Variants in GRXCR1 observed in about 807,000 individuals in gnomAD.
GRXCR1 encodes glutaredoxin domain-containing cysteine-rich protein 1.
A neutral mutation model predicts 27.3 loss-of-function variants in GRXCR1; 27 were observed. The ratio of observed to expected loss-of-function variants is 0.99; its 90% confidence interval spans 0.73 to 1.37. The LOEUF (loss-of-function observed/expected upper bound fraction) is 1.37. GRXCR1 is among the 40% of genes most tolerant of loss of function. The probability of loss-of-function intolerance (pLI) is 0.00; values close to 1 mark genes in which losing one functional copy is unlikely to be tolerated. For synonymous variants in GRXCR1, 122 were observed against 131.1 expected (o/e 0.93, Z 0.47); for missense variants, 379 against 354.4 (o/e 1.07, Z -0.56).
At chr4:42,999,952 C>T (rs1326089759) in intron 2 of GRXCR1, among the ~76,000 whole-genome samples, 2 of 152,122 alleles carry the variant, frequency 1.3e-5, no homozygotes, top group Admixed American at 1.3e-4. Context: ...ACAGTATTCC[C>T]CAAACAATCC....
chr4:42,959,674 T>C (rs1748087767), intron 1 of GRXCR1, among the ~76,000 whole-genome samples: 1 of 151,920 alleles, frequency 6.6e-6, no homozygotes, highest in Non-Finnish European at 1.5e-5. Flanking sequence ...TAAAAATATA[T>C]AATATGTTTC....
At chr4:43,004,341 C>A (rs763650820) in intron 2 of GRXCR1, among the ~76,000 whole-genome samples, 3 of 152,206 alleles carry the variant, frequency 2.0e-5, no homozygotes, top group Admixed American at 6.5e-5. Context: ...CCATGGAGAA[C>A]CTCTACTAGG....
chr4:42,896,147 A>G (rs768186347), intron 1 of GRXCR1, among the ~76,000 whole-genome samples: 30 of 152,270 alleles, frequency 2.0e-4, no homozygotes, highest in Non-Finnish European at 4.0e-4. Flanking sequence ...GACCCTGTCA[A>G]TCACTTGCTT....
At chr4:42,945,457 C>T (rs182611154) in intron 1 of GRXCR1, among the ~76,000 whole-genome samples, 3 of 152,086 alleles carry the variant, frequency 2.0e-5, no homozygotes, top group African/African-American at 7.2e-5. Context: ...TTCTTCTTTC[C>T]TTCTTTTCTT....
intron 1 of GRXCR1, among the ~76,000 whole-genome samples, chr4:42,934,301 T>G (rs928483119): frequency 1.3e-5 from 2 of 151,406 alleles, no homozygotes; most frequent in Non-Finnish European, 2.9e-5. Context: ...AAGTACTGTT[T>G]GAATGATGGA....
At chr4:42,939,173 A>G (rs1170601664) in intron 1 of GRXCR1, among the ~76,000 whole-genome samples, 1 of 151,950 alleles carries the variant, frequency 6.6e-6, no homozygotes, top group Non-Finnish European at 1.5e-5. Context: ...GTCCTCTTCA[A>G]TTTCTTGCAT....
chr4:42,924,082 T>C (rs1431058364), intron 1 of GRXCR1, among the ~76,000 whole-genome samples: 1 of 152,028 alleles, frequency 6.6e-6, no homozygotes, highest in African/African-American at 2.4e-5. Flanking sequence ...GAAAAAGCAA[T>C]AGACAGCAAG....
At chr4:42,953,032 G>A (rs1219959494) in intron 1 of GRXCR1, among the ~76,000 whole-genome samples, 1 of 152,130 alleles carries the variant, frequency 6.6e-6, no homozygotes, top group East Asian at 1.9e-4. Flanking sequence ...AGGCATTCTA[G>A]TCTTACACAT....
chr4:43,011,089 T>G (rs1712735262), intron 2 of GRXCR1, among the ~76,000 whole-genome samples: 1 of 152,190 alleles, frequency 6.6e-6, no homozygotes, highest in East Asian at 1.9e-4. Context: ...TTTCTTCCCT[T>G]CAGGACTACA....
intron 2 of GRXCR1, among the ~76,000 whole-genome samples, chr4:42,965,579 G>A (rs1213720906): frequency 1.3e-5 from 2 of 152,074 alleles, no homozygotes; most frequent in Non-Finnish European, 2.9e-5. Context: ...AATTTTAAGG[G>A]AGGAAAAGAA....
At chr4:42,977,215 C>G (rs970137653) in intron 2 of GRXCR1, among the ~76,000 whole-genome samples, 2 of 151,900 alleles carry the variant, frequency 1.3e-5, no homozygotes, top group African/African-American at 4.8e-5. Context: ...ATCCATTTAT[C>G]CACTGATGGA....
At chr4:42,975,969 G>A (rs1274412046) in intron 2 of GRXCR1, among the ~76,000 whole-genome samples, 1 of 152,030 alleles carries the variant, frequency 6.6e-6, no homozygotes, top group African/African-American at 2.4e-5. Flanking sequence ...ATAGACCCAA[G>A]GAACAGCTTC....
intron 2 of GRXCR1, among the ~76,000 whole-genome samples, chr4:42,965,015 C>T (rs1264550943): frequency 6.6e-6 from 1 of 152,042 alleles, no homozygotes; most frequent in Admixed American, 6.6e-5. Context: ...AATTAGTGGG[C>T]AACTGCCTTC....
chr4:42,910,976 C>T (rs1483671040), intron 1 of GRXCR1, among the ~76,000 whole-genome samples: 1 of 152,092 alleles, frequency 6.6e-6, no homozygotes, highest in Non-Finnish European at 1.5e-5. Context: ...TTCTATAGCT[C>T]TTGTAACACC....
chr4:42,953,994 G>A (rs1023459819), intron 1 of GRXCR1, among the ~76,000 whole-genome samples: 5 of 151,974 alleles, frequency 3.3e-5, no homozygotes, highest in African/African-American at 1.2e-4. Flanking sequence ...TTACTAAGGG[G>A]GAAATTACCG....
intron 2 of GRXCR1, among the ~76,000 whole-genome samples, chr4:43,012,925 A>G (rs757941097): frequency 2.0e-5 from 3 of 152,200 alleles, no homozygotes; most frequent in African/African-American, 7.2e-5. Context: ...ACATGCAAGC[A>G]GACAACAAAC....
rs3072802 is a variant in GRXCR1 at position 42,932,577 on chromosome 4, C to CAT, written c.385-30273_385-30272dup. Among the ~76,000 whole-genome samples, 78 of 28,644 alleles carry CAT rather than the reference C, an allele frequency of 2.7e-3. 1 individual carries two copies. Among genetic ancestry groups the CAT allele is most frequent in the Non-Finnish European group, 3.3e-3 (55 of 16,786 alleles). The allele number at this position is 28,644 out of a possible 152,430, so 18.8% of individuals were successfully genotyped here. A position where few individuals can be genotyped will look rare whatever the true frequency, so the allele number is the denominator to read the frequency against. Reference sequence around the variant, plus strand: ...TGAGTGTTTCTCTTAAACTCCCTTCCATATATATATATATATATATATATA... The same window carrying CAT: ...TGAGTGTTTCTCTTAAACTCCCTTCCATATATATATATATATATATATATATA... On this transcript the variant is annotated intron_variant, in intron 1 of 3. Transcript: ENST00000399770.
At chr4:42,992,092 C>T (rs1208281520) in intron 2 of GRXCR1, among the ~76,000 whole-genome samples, 1 of 152,024 alleles carries the variant, frequency 6.6e-6, no homozygotes, top group Non-Finnish European at 1.5e-5. Context: ...TCAAATTTCC[C>T]TCCTCTCCTA....
chr4:42,961,870 G>T (rs1183086822), intron 1 of GRXCR1, among the ~76,000 whole-genome samples: 1 of 151,942 alleles, frequency 6.6e-6, no homozygotes, highest in Admixed American at 6.6e-5. Context: ...GTATTTAGCT[G>T]TCCAGAATGG....
Sources: allele counts gnomAD v4.1 joint callset (sites outside exome capture counted in the v4.1 genomes callset), GRCh38; gene constraint gnomAD v4.1.1; transcripts MANE v1.5; gene names NCBI Gene and HGNC (gene_info 2026-07-23, HGNC 2026-07-21).